The following CNTN4 variants were observed in gnomAD, a reference collection of about 807,000 sequenced individuals.
CNTN4 encodes contactin 4.
A neutral mutation model predicts 122.5 loss-of-function variants in CNTN4; 77 were observed. The ratio of observed to expected loss-of-function variants is 0.63; its 90% confidence interval spans 0.52 to 0.76. The LOEUF (loss-of-function observed/expected upper bound fraction) is 0.76. Among genes scored for constraint, CNTN4 ranks in the 30% least tolerant of loss-of-function variants. The pLI, the probability that CNTN4 is intolerant of heterozygous loss-of-function variation, is 0.00. For missense variants in CNTN4, 1,256 were observed against 1,259.1 expected (o/e 1.00, Z 0.04); for synonymous variants, 512 against 447.0 (o/e 1.15, Z -1.83).
chr3:3,019,765 AATATATATAT>A (rs67229453), intron 14 of CNTN4, among the ~76,000 whole-genome samples: 49,240 of 137,832 alleles, frequency 0.36, 8,816 homozygotes, highest in Middle Eastern at 0.5. Context: ...TGTGTACACA[AATATATATAT>A]ATATATATAT....
chr3:2,614,756 C>T lies in CNTN4; in HGVS notation c.55+43198C>T, dbSNP rs1269362382. 1.3e-5 allele frequency among the ~76,000 whole-genome samples: 2 copies of T among 152,086 alleles called. 1 individual carries two copies. The highest frequency in any genetic ancestry group is 4.8e-5 in the African/African-American group (2 of 41,402). On this transcript the variant is annotated intron_variant, in intron 4 of 24. Transcript: ENST00000418658. ...TATTGAAATAGAGATGCCTGTCAGA[C>T]ATCCTTGTAGAGATGCCAGATAAAC...
intron 3 of CNTN4, among the ~76,000 whole-genome samples, chr3:2,461,663 C>T (rs891147700): frequency 6.6e-6 from 1 of 152,200 alleles, no homozygotes; most frequent in African/African-American, 2.4e-5. Flanking sequence ...AGTTAACAGA[C>T]TATTCAGCAA....
intron 3 of CNTN4, among the ~76,000 whole-genome samples, chr3:2,482,811 T>TCCACTTAGATTTCAG (rs1208728718): frequency 6.6e-6 from 1 of 152,180 alleles, no homozygotes; most frequent in Non-Finnish European, 1.5e-5. Flanking sequence ...TTTGAGAACC[T>TCCACTTAGATTTCAG]CCACTTAGAT....
intron 7 of CNTN4, among the ~76,000 whole-genome samples, chr3:2,825,522 T>TA (rs1410419357): frequency 1.3e-5 from 2 of 152,010 alleles, no homozygotes; most frequent in African/African-American, 4.8e-5. Flanking sequence ...GCACCCAGCC[T>TA]AAAAAAATGT....
At chr3:2,337,551 A>G (rs1330304786) in intron 2 of CNTN4, among the ~76,000 whole-genome samples, 1 of 152,118 alleles carries the variant, frequency 6.6e-6, no homozygotes, top group Non-Finnish European at 1.5e-5. Context: ...TTAAAAATAG[A>G]ATTGAGGATT....
At chr3:2,979,280 C>G (rs563788896) in intron 13 of CNTN4, among the ~76,000 whole-genome samples, 1 of 151,850 alleles carries the variant, frequency 6.6e-6, no homozygotes, top group African/African-American at 2.4e-5. Context: ...TGAACTTGCC[C>G]GGTAGGGAGT....
intron 13 of CNTN4, among the ~76,000 whole-genome samples, chr3:2,931,683 C>G (rs909125396): frequency 2.6e-5 from 4 of 152,066 alleles, no homozygotes; most frequent in Non-Finnish European, 4.4e-5. Context: ...GGCTGGACAG[C>G]AGTGGTGAGA....
intron 2 of CNTN4, among the ~76,000 whole-genome samples, chr3:2,253,274 T>C (rs1289071913): frequency 6.6e-6 from 1 of 152,204 alleles, no homozygotes; most frequent in African/African-American, 2.4e-5. Context: ...TGCTACCTTA[T>C]TTTTCTGCCC....
At chr3:2,315,265 G>A (rs1032720028) in intron 2 of CNTN4, among the ~76,000 whole-genome samples, 1 of 152,024 alleles carries the variant, frequency 6.6e-6, no homozygotes, top group Non-Finnish European at 1.5e-5. Context: ...ATTTCTAGTA[G>A]AGAAAGTGAC....
chr3:2,963,658 A>G (rs1228395138), intron 13 of CNTN4, among the ~76,000 whole-genome samples: 2 of 152,190 alleles, frequency 1.3e-5, no homozygotes, highest in East Asian at 1.9e-4. Flanking sequence ...AAGAAATTCC[A>G]TCATCTTTTG....
At chr3:2,517,383 A>G (rs920444881) in intron 3 of CNTN4, among the ~76,000 whole-genome samples, 4 of 152,040 alleles carry the variant, frequency 2.6e-5, no homozygotes, top group African/African-American at 9.7e-5. Flanking sequence ...CCTTCTACCA[A>G]TGTCTGTGTT....
intron 2 of CNTN4, among the ~76,000 whole-genome samples, chr3:2,284,382 G>T (rs1054516422): frequency 6.6e-6 from 1 of 152,046 alleles, no homozygotes; most frequent in Non-Finnish European, 1.5e-5. Context: ...GCTTGCTCTG[G>T]TGTTCAAGGT....
At chr3:2,640,043 T>C (rs1027762649) in intron 4 of CNTN4, among the ~76,000 whole-genome samples, 5 of 152,228 alleles carry the variant, frequency 3.3e-5, no homozygotes, top group Non-Finnish European at 7.3e-5. Context: ...TCAACATTTA[T>C]ATGTAAAACA....
chr3:2,779,312 G>A (rs574836551), intron 6 of CNTN4, among the ~76,000 whole-genome samples: 2 of 152,182 alleles, frequency 1.3e-5, no homozygotes, highest in East Asian at 3.9e-4. Flanking sequence ...TGTCGCCCAG[G>A]CTTGAGTGCA....
At chr3:3,048,033 A>C (rs185740779) in intron 23 of CNTN4, among the ~76,000 whole-genome samples, 21 of 152,078 alleles carry the variant, frequency 1.4e-4, no homozygotes, top group African/African-American at 4.3e-4. Flanking sequence ...CAGCTCAGTC[A>C]CTCCCCCTTC....
intron 2 of CNTN4, among the ~76,000 whole-genome samples, chr3:2,160,029 T>C (rs993336991): frequency 3.3e-5 from 5 of 152,170 alleles, no homozygotes; most frequent in Non-Finnish European, 5.9e-5. Flanking sequence ...TAATTTCTTA[T>C]GCCTGTATTA....
intron 3 of CNTN4, among the ~76,000 whole-genome samples, chr3:2,349,927 G>A (rs146461186): frequency 6.6e-6 from 1 of 152,264 alleles, no homozygotes; most frequent in Non-Finnish European, 1.5e-5. Flanking sequence ...TGAACAGGAT[G>A]AAATAGCATA....
intron 2 of CNTN4, among the ~76,000 whole-genome samples, chr3:2,198,538 A>C (rs1184408810): frequency 6.6e-6 from 1 of 152,234 alleles, no homozygotes; most frequent in African/African-American, 2.4e-5. Context: ...GTTTTAATTA[A>C]GATCCCAGAA....
intron 12 of CNTN4, among the ~76,000 whole-genome samples, chr3:2,924,863 A>G (rs2094458470): frequency 6.6e-6 from 1 of 152,158 alleles, no homozygotes; most frequent in African/African-American, 2.4e-5. Flanking sequence ...TCTCTAATAG[A>G]GATATATATG....
Sources: allele counts gnomAD v4.1 joint callset (sites outside exome capture counted in the v4.1 genomes callset), GRCh38; gene constraint gnomAD v4.1.1; transcripts MANE v1.5; gene names NCBI Gene and HGNC (gene_info 2026-07-23, HGNC 2026-07-21).